Variants in CFAP54 observed in about 807,000 individuals in gnomAD.
The protein encoded by CFAP54 is cilia- and flagella-associated protein 54.
CFAP54 carries 290 observed loss-of-function variants against 370.4 expected under a neutral mutation model. That is an observed-to-expected ratio of 0.78 (90% confidence interval 0.71 to 0.86). The LOEUF (loss-of-function observed/expected upper bound fraction) is 0.86, where lower values mean the gene tolerates loss of function less well. Ranked by LOEUF, CFAP54 falls within the 40% of genes least tolerant of loss-of-function variation. The pLI is 0.00. For synonymous variants in CFAP54, 1,206 were observed against 1,236.5 expected (o/e 0.98, Z 0.52); for missense variants, 3,399 against 3,528.7 (o/e 0.96, Z 0.93).
chr12:96,670,838 T>C (rs907938303), intron 39 of CFAP54, among the ~76,000 whole-genome samples: 7 of 152,234 alleles, frequency 4.6e-5, no homozygotes, highest in Admixed American at 1.3e-4. Context: ...ACCGCCAGCA[T>C]AGGGCCTTGT....
At chr12:96,750,574 T>A (rs2136652680) in intron 55 of CFAP54, among the ~76,000 whole-genome samples, 1 of 152,348 alleles carries the variant, frequency 6.6e-6, no homozygotes, top group South Asian at 2.1e-4. Context: ...AGCTTGTTGA[T>A]CTCATGAGAG....
At chr12:96,806,159 A>AATATATATATATATAT (rs548500750) in intron 63 of CFAP54, among the ~76,000 whole-genome samples, 2 of 27,904 alleles carry the variant, frequency 7.2e-5, no homozygotes, top group Non-Finnish European at 1.4e-4. Flanking sequence ...TCACTAGCCA[A>AATATATATATATATAT]ATATATATAT....
At chr12:96,733,298 T>C (rs1401851788) in intron 50 of CFAP54, among the ~76,000 whole-genome samples, 2 of 152,064 alleles carry the variant, frequency 1.3e-5, no homozygotes, top group Non-Finnish European at 2.9e-5. Flanking sequence ...CTGCTGAGAG[T>C]GTTGGACAGT....
rs367693643 is a variant in CFAP54, at chr12:96,583,140, A to G, written c.3075+2035A>G. Among the ~76,000 whole-genome samples, 7 of 152,336 alleles carry G rather than the reference A, an allele frequency of 4.6e-5. No individual in the cohort carries two copies. The East Asian group carries it at 7.7e-4, about 17-fold the overall frequency. ...TTATTCTGTAAATATTAATAAAATC[A>G]AGTGAATCTCTACTAGGCTTTCCCT... is the stretch of plus-strand genomic sequence containing the variant. On this transcript the variant is annotated intron_variant, in intron 22 of 67. Transcript: ENST00000524981.
At position 96,784,678 on chromosome 12, in the gene CFAP54, T is replaced by C. The variant is rs556274585; in HGVS notation, c.8282-39T>C. The C allele has an allele frequency of 5.8e-6, 8 of 1,377,564 alleles. No homozygotes were observed. In the East Asian group the frequency reaches 1.8e-4, roughly 31 times the overall value. The allele number at this position is 1,377,564 out of a possible 1,614,324, so 85.3% of individuals were successfully genotyped here. ...TGATTGTTTTTCAAGGAAAGCATAATATAATATTGTATTACAAAAAAAAGT... is the reference window on the plus strand; with the variant it reads ...TGATTGTTTTTCAAGGAAAGCATAACATAATATTGTATTACAAAAAAAAGT... On this transcript the variant is annotated intron_variant, in intron 60 of 67. Coordinates refer to ENST00000524981, the MANE Select transcript of CFAP54 (RefSeq NM_001306084.2).
chr12:96,539,196 G>T (rs1343453193), intron 13 of CFAP54, among the ~76,000 whole-genome samples: 1 of 150,752 alleles, frequency 6.6e-6, no homozygotes, highest in African/African-American at 2.4e-5. Context: ...GAGTAGCTGC[G>T]ATTACGGGCA....
Position 96,526,240 on chromosome 12 carries a change from G to T in CFAP54, c.1159-1006G>T, listed in dbSNP as rs1026268941. On this transcript the variant is annotated intron_variant, in intron 8 of 67. Coordinates refer to ENST00000524981, the MANE Select transcript of CFAP54 (RefSeq NM_001306084.2). ...TATTTACTGGCAAACTAAATGCAGA[G>T]AACAGGTCATTTGATGGAGAGAAGA... Among the ~76,000 whole-genome samples, 16 of 152,296 alleles carry T rather than the reference G, an allele frequency of 1.1e-4. No individual in the cohort carries two copies. In the South Asian group the frequency reaches 3.3e-3, roughly 32 times the overall value.
intron 50 of CFAP54, among the ~76,000 whole-genome samples, chr12:96,720,889 C>T (rs1030511468): frequency 1.3e-5 from 2 of 151,806 alleles, no homozygotes; most frequent in Non-Finnish European, 2.9e-5. Flanking sequence ...GGCTTTGTGG[C>T]GGCACATGTA....
chr12:96,871,774 A>C (rs1211968176), intron 67 of CFAP54, among the ~76,000 whole-genome samples: 1 of 152,186 alleles, frequency 6.6e-6, no homozygotes, highest in Non-Finnish European at 1.5e-5. Flanking sequence ...AAATTCATTG[A>C]ATGGACTTAG....
chr12:96,596,318 A>G (rs1035207586), intron 25 of CFAP54, among the ~76,000 whole-genome samples: 1 of 152,142 alleles, frequency 6.6e-6, no homozygotes, highest in Admixed American at 6.6e-5. Flanking sequence ...AGAATGGATT[A>G]TAGCTATGGG....
At chr12:96,864,877 G>T (rs1025930230) in intron 67 of CFAP54, among the ~76,000 whole-genome samples, 2 of 152,084 alleles carry the variant, frequency 1.3e-5, no homozygotes, top group Admixed American at 6.6e-5. Context: ...CTTATAGGAT[G>T]CCCATAAAAC....
Position 96,765,179 on chromosome 12 carries a change from G to A in CFAP54, c.8242G>A (p.Ala2748Thr). ...ATTACCAAATATCCCAGAATTTGCT[G>A]CTCTGGATCTTTTGTCTTCGTATAC... ...VALPNIPEFA[A>T]LDLLSSYTDY... The change falls in exon 60 of 68, where the codon GCT (alanine) becomes ACT (threonine). Residue 2748 changes from alanine to threonine, a missense_variant. Physicochemically the swap from Ala to Thr is moderately conservative, Grantham distance 58 (BLOSUM62 0). Around this residue, in one of 3 missense-constraint regions of CFAP54, gnomAD observed 2,796 missense variants for 2,869.7 expected, o/e 0.97. Transcript: ENST00000524981. 1 of 1,540,666 alleles carries A rather than the reference G, an allele frequency of 6.5e-7. No homozygotes were observed. Among genetic ancestry groups the A allele is most frequent in the Non-Finnish European group, 8.8e-7 (1 of 1,130,614 alleles).
intron 5 of CFAP54, among the ~76,000 whole-genome samples, chr12:96,517,289 G>A (rs1259120960): frequency 1.3e-5 from 2 of 152,136 alleles, no homozygotes; most frequent in East Asian, 1.9e-4. Context: ...TTTGATTAGA[G>A]TGAGTTTAGC....
intron 26 of CFAP54, among the ~76,000 whole-genome samples, chr12:96,604,759 C>T (rs1451139590): frequency 2.6e-5 from 4 of 152,236 alleles, no homozygotes; most frequent in Non-Finnish European, 5.9e-5. Context: ...GAGCAAGGCT[C>T]CATGGGCATG....
At chr12:96,812,090 C>T (rs940869620) in intron 64 of CFAP54, among the ~76,000 whole-genome samples, 4 of 152,298 alleles carry the variant, frequency 2.6e-5, no homozygotes, top group Non-Finnish European at 5.9e-5. Flanking sequence ...TATGTAACCT[C>T]TGTACTTCAG....
intron 1 of CFAP54, among the ~76,000 whole-genome samples, chr12:96,494,113 C>T (rs1296644719): frequency 6.6e-6 from 1 of 152,046 alleles, no homozygotes; most frequent in African/African-American, 2.4e-5. Flanking sequence ...GCAGGAAGAT[C>T]CTTGGCAGAA....
chr12:96,849,017 A>G (rs1476460925), intron 66 of CFAP54, among the ~76,000 whole-genome samples: 1 of 152,188 alleles, frequency 6.6e-6, no homozygotes, highest in Non-Finnish European at 1.5e-5. Flanking sequence ...TCTCATCTGG[A>G]ACCTTTATGA....
chr12:96,505,209 G>A (rs1011499246), intron 3 of CFAP54, among the ~76,000 whole-genome samples: 16 of 151,508 alleles, frequency 1.1e-4, no homozygotes, highest in Admixed American at 8.6e-4. Flanking sequence ...GATTACAGGC[G>A]CATACCACCA....
intron 39 of CFAP54, among the ~76,000 whole-genome samples, chr12:96,679,360 T>C (rs1957245223): frequency 6.6e-6 from 1 of 151,888 alleles, no homozygotes; most frequent in Non-Finnish European, 1.5e-5. Flanking sequence ...TAAAGTTATT[T>C]GCATTTCATA....
Sources: allele counts gnomAD v4.1 joint callset (sites outside exome capture counted in the v4.1 genomes callset), GRCh38; gene constraint gnomAD v4.1.1; regional missense constraint gnomAD v4.1.1; transcripts MANE v1.5; gene names NCBI Gene and HGNC (gene_info 2026-07-23, HGNC 2026-07-21).